The following SKAP2 variants were observed in gnomAD, a reference collection of about 807,000 sequenced individuals.
SKAP2 encodes the protein src kinase associated phosphoprotein 2.
Under a neutral mutation model 54.9 loss-of-function variants are expected in SKAP2, and 28 were observed. The ratio of observed to expected loss-of-function variants is 0.51; its 90% confidence interval spans 0.38 to 0.70. The LOEUF (loss-of-function observed/expected upper bound fraction) is 0.70, where lower values mean the gene tolerates loss of function less well. Among genes scored for constraint, SKAP2 ranks in the 30% least tolerant of loss-of-function variants. The pLI, the probability that SKAP2 is intolerant of heterozygous loss-of-function variation, is 0.00. For synonymous variants in SKAP2, 137 were observed against 134.3 expected (o/e 1.02, Z -0.14); for missense variants, 356 against 424.1 (o/e 0.84, Z 1.41).
chr7:26,752,923 T>C (rs1461121104), intron 4 of SKAP2, among the ~76,000 whole-genome samples: 1 of 152,202 alleles, frequency 6.6e-6, no homozygotes, highest in Non-Finnish European at 1.5e-5. Flanking sequence ...CTGAGAATGA[T>C]AAAATGCCTG....
chr7:26,809,858 T>C (rs1242196621), intron 4 of SKAP2, among the ~76,000 whole-genome samples: 1 of 152,196 alleles, frequency 6.6e-6, no homozygotes, highest in Non-Finnish European at 1.5e-5. Context: ...TCAGCCTAAG[T>C]GTCCATGAAG....
chr7:26,811,901 C>T (rs776380031), intron 4 of SKAP2, among the ~76,000 whole-genome samples: 2 of 152,118 alleles, frequency 1.3e-5, no homozygotes, highest in Non-Finnish European at 2.9e-5. Context: ...ATCAAATTCC[C>T]ATAATTTACC....
At chr7:26,783,681 C>T (rs1258163919) in intron 4 of SKAP2, among the ~76,000 whole-genome samples, 2 of 152,112 alleles carry the variant, frequency 1.3e-5, no homozygotes, top group African/African-American at 4.8e-5. Flanking sequence ...CATCTCTTCC[C>T]ACCTCCACAG....
At chr7:26,779,029 T>A (rs1771967793) in intron 4 of SKAP2, among the ~76,000 whole-genome samples, 1 of 151,950 alleles carries the variant, frequency 6.6e-6, no homozygotes, top group Non-Finnish European at 1.5e-5. Context: ...TGAAATGAAC[T>A]AGGAGGCAGT....
intron 4 of SKAP2, among the ~76,000 whole-genome samples, chr7:26,807,875 C>CT (rs35567458): frequency 0.74 from 111,919 of 152,012 alleles, 41,819 homozygotes; most frequent in East Asian, 0.95. Flanking sequence ...ATTGTTAGCA[C>CT]TTTTTTTAGC....
chr7:26,759,589 T>C (rs889031809), intron 4 of SKAP2, among the ~76,000 whole-genome samples: 11 of 152,234 alleles, frequency 7.2e-5, no homozygotes, highest in African/African-American at 2.4e-4. Context: ...CTACAAACCC[T>C]GGCCTTTTAA....
chr7:26,856,310 C>A (rs1406092932), intron 1 of SKAP2, among the ~76,000 whole-genome samples: 3 of 151,454 alleles, frequency 2.0e-5, no homozygotes, highest in Non-Finnish European at 4.4e-5. Flanking sequence ...ATATTAACAA[C>A]TGATGTATTA....
intron 4 of SKAP2, among the ~76,000 whole-genome samples, chr7:26,827,253 T>C (rs965859645): frequency 6.6e-6 from 1 of 152,226 alleles, no homozygotes; most frequent in Non-Finnish European, 1.5e-5. Flanking sequence ...AATTACTTTC[T>C]GACATAGTCT....
At chr7:26,756,222 C>A (rs1451717148) in intron 4 of SKAP2, among the ~76,000 whole-genome samples, 2 of 152,146 alleles carry the variant, frequency 1.3e-5, no homozygotes, top group Non-Finnish European at 2.9e-5. Context: ...TACAGGTGCA[C>A]AACGTGCAGG....
intron 9 of SKAP2, among the ~76,000 whole-genome samples, chr7:26,692,900 C>T (rs1786814605): frequency 1.3e-5 from 2 of 152,274 alleles, no homozygotes; most frequent in Admixed American, 6.5e-5. Flanking sequence ...CACTTTCTTT[C>T]CATAGCACCC....
At chr7:26,655,676 CTA>C in the SKAP2 span, among the ~76,000 whole-genome samples, 2 of 152,120 alleles carry the variant, frequency 1.3e-5, no homozygotes, top group African/African-American at 4.8e-5. Context: ...AGTTTTCCCC[CTA>C]GAGTACTCCT....
In SKAP2 at chr7:26,706,210, T is replaced by C. The variant is rs191364851; in HGVS notation, c.797-15848A>G. Among the ~76,000 whole-genome samples the C allele has an allele frequency of 3.9e-4, 60 of 152,256 alleles. 2 individuals carry two copies. In the East Asian group the frequency reaches 0.01, roughly 26 times the overall value. Reference sequence around the variant, plus strand: ...AACACATGTACCCATAGCTAACAAGTGTTTTTATTAGTTTGAATAAAATGA... The same window carrying C: ...AACACATGTACCCATAGCTAACAAGCGTTTTTATTAGTTTGAATAAAATGA... On this transcript the variant is annotated intron_variant, in intron 9 of 12. Transcript: ENST00000345317.
At chr7:26,707,172 C>T (rs930896859) in intron 9 of SKAP2, among the ~76,000 whole-genome samples, 4 of 152,016 alleles carry the variant, frequency 2.6e-5, no homozygotes, top group African/African-American at 9.7e-5. Context: ...CCAGCCTGGG[C>T]AACATAGTGA....
intron 4 of SKAP2, among the ~76,000 whole-genome samples, chr7:26,834,086 G>C (rs552880643): frequency 4.7e-4 from 71 of 152,246 alleles, no homozygotes; most frequent in Non-Finnish European, 7.6e-4. Context: ...ACCTGCTCCT[G>C]AATCACTACT....
chr7:26,749,263 T>C (rs143202906), intron 4 of SKAP2, among the ~76,000 whole-genome samples: 16 of 152,272 alleles, frequency 1.1e-4, no homozygotes, highest in African/African-American at 3.9e-4. Flanking sequence ...TAATAAAGAT[T>C]AGCATAAATG....
chr7:26,828,641 C>T (rs1375523012), intron 4 of SKAP2, among the ~76,000 whole-genome samples: 1 of 148,630 alleles, frequency 6.7e-6, no homozygotes, highest in African/African-American at 2.5e-5. Flanking sequence ...TGAGCCACTG[C>T]ACTCTAGCCT....
intron 4 of SKAP2, among the ~76,000 whole-genome samples, chr7:26,823,574 A>T (rs1324279020): frequency 6.6e-6 from 1 of 152,178 alleles, no homozygotes; most frequent in African/African-American, 2.4e-5. Flanking sequence ...AACTCTCTTC[A>T]ATTCTATGAA....
At chr7:26,678,837 T>G (rs1173392625) in intron 11 of SKAP2, among the ~76,000 whole-genome samples, 1 of 152,150 alleles carries the variant, frequency 6.6e-6, no homozygotes, top group African/African-American at 2.4e-5. Context: ...TAATCAGTAG[T>G]CTATCTCTAG....
chr7:26,847,995 C>T (rs557806359), intron 3 of SKAP2: 20 of 152,306 alleles, frequency 1.3e-4, no homozygotes, highest in African/African-American at 4.8e-4. Flanking sequence ...CCAAGACTTA[C>T]CTTCCTATAA....
Sources: gnomAD v4.1 joint callset for allele counts (sites outside exome capture counted in the v4.1 genomes callset) on GRCh38, gnomAD v4.1.1 for gene constraint, MANE v1.5 for transcripts, NCBI Gene and HGNC (gene_info 2026-07-23, HGNC 2026-07-21) for gene names.